Variants in ZSWIM6 observed in about 807,000 individuals in gnomAD.
ZSWIM6 encodes zinc finger SWIM-type containing 6, also known as zinc finger SWIM domain-containing protein 6.
A neutral mutation model predicts 113.2 loss-of-function variants in ZSWIM6; 9 were observed. That is an observed-to-expected ratio of 0.08 (90% CI 0.05 to 0.14). The LOEUF is 0.14. Among genes scored for constraint, ZSWIM6 ranks in the 10% least tolerant of loss-of-function variants. The pLI is 1.00. For synonymous variants in ZSWIM6, 611 were observed against 606.5 expected, an observed-to-expected ratio of 1.01 and a Z score of -0.11; for missense variants, 1,162 against 1,552.2, an observed-to-expected ratio of 0.75 and a Z score of 4.22.
In ZSWIM6 at chr5:61,512,362, C is replaced by T. The variant is rs1019289137; in HGVS notation, c.1334-8901C>T. Reference sequence around the variant, plus strand: ...GTACCATAGTTTGTTTATCCATTCACCAGTTGAAGGACATCTAGATTGGTT... The same window carrying T: ...GTACCATAGTTTGTTTATCCATTCATCAGTTGAAGGACATCTAGATTGGTT... On this transcript the variant is annotated intron_variant, in intron 4 of 13. Coordinates refer to ENST00000252744, the MANE Select transcript of ZSWIM6 (RefSeq NM_020928.2). Among the ~76,000 whole-genome samples the T allele has an allele frequency of 2.6e-5, 4 of 152,052 alleles. 1 individual carries two copies. Among genetic ancestry groups the T allele is most frequent in the African/African-American group, 9.7e-5 (4 of 41,414 alleles).
chr5:61,490,713 G>T, intron 2 of ZSWIM6, 73 bp from the exon 3 acceptor site: 2 of 1,421,780 alleles, frequency 1.4e-6, no homozygotes. Context: ...TAGGCAAAAA[G>T]AGTCTTAATT....
chr5:61,535,676 G>C, intron 10 of ZSWIM6, 57 bp downstream of exon 10: 1 of 1,540,584 alleles, frequency 6.5e-7, no homozygotes, highest in Non-Finnish European at 8.8e-7. Context: ...TGGGAAGCAT[G>C]GCTGTTAACT....
chr5:61,440,049 A>G (rs187300544), intron 1 of ZSWIM6, among the ~76,000 whole-genome samples: 1 of 152,008 alleles, frequency 6.6e-6, no homozygotes, highest in Non-Finnish European at 1.5e-5. Flanking sequence ...ATCAGGAAGT[A>G]TGGGAATATG....
chr5:61,535,534 A>T lies in ZSWIM6; in HGVS notation c.2296A>T (p.Met766Leu). 6.4e-7 allele frequency: 1 copy of T among 1,551,380 alleles called. No homozygotes were observed. Among genetic ancestry groups the T allele is most frequent in the Non-Finnish European group, 8.7e-7 (1 of 1,146,766 alleles). Residue 766 changes from methionine to leucine, a missense_variant, in exon 10 of 14, where the codon ATG becomes TTG. Met to Leu is a conservative substitution (Grantham distance 15). This residue lies in a region of ZSWIM6 where 620 missense variants were observed against 804.6 expected (regional missense o/e 0.77). Coordinates refer to ENST00000252744, the MANE Select transcript of ZSWIM6 (RefSeq NM_020928.2). ...GEIIHRESVP[M>L]HTFAKYLFTS... ...AATAATCCATCGGGAGAGCGTTCCA[A>T]TGCACACATTTGCCAAGTATCTCTT...
At chr5:61,342,972 A>G (rs1039786937) in intron 1 of ZSWIM6, among the ~76,000 whole-genome samples, 1 of 152,204 alleles carries the variant, frequency 6.6e-6, no homozygotes, top group Non-Finnish European at 1.5e-5. Context: ...ATCATCTTCC[A>G]TGAGATGTTA....
intron 4 of ZSWIM6, among the ~76,000 whole-genome samples, chr5:61,494,813 T>C (rs549830675): frequency 6.6e-6 from 1 of 152,328 alleles, no homozygotes; most frequent in Admixed American, 6.5e-5. Context: ...TTAAAATTAG[T>C]TGGATATTCA....
chr5:61,446,519 C>T (rs2112152864), intron 1 of ZSWIM6, among the ~76,000 whole-genome samples: 1 of 152,248 alleles, frequency 6.6e-6, no homozygotes, highest in Admixed American at 6.5e-5. Context: ...AACAAAATCA[C>T]ACAAAGATCA....
rs901140336 is a variant in ZSWIM6, at chr5:61,487,080, G to A, written c.1034-3706G>A. On this transcript the variant is annotated intron_variant, in intron 2 of 13. Coordinates refer to ENST00000252744, the MANE Select transcript of ZSWIM6 (RefSeq NM_020928.2). Reference sequence around the variant, plus strand: ...CAGGTCTTACATTTTATGATGAGACGTAGGAGTCCAGTTTTGGTCTTCTGC... The same window carrying A: ...CAGGTCTTACATTTTATGATGAGACATAGGAGTCCAGTTTTGGTCTTCTGC... Among the ~76,000 whole-genome samples the A allele has an allele frequency of 8.6e-5, 13 of 151,524 alleles. No individual in the cohort carries two copies. The East Asian group carries it at 2.5e-3, about 29-fold the overall frequency.
At chr5:61,342,591 G>A (rs924611487) in intron 1 of ZSWIM6, among the ~76,000 whole-genome samples, 4 of 152,292 alleles carry the variant, frequency 2.6e-5, no homozygotes, top group African/African-American at 9.6e-5. Flanking sequence ...TATTCCAGAA[G>A]GTTTAGCTTT....
At chr5:61,392,511 C>T (rs890473268) in intron 1 of ZSWIM6, among the ~76,000 whole-genome samples, 1 of 152,144 alleles carries the variant, frequency 6.6e-6, no homozygotes, top group Non-Finnish European at 1.5e-5. Context: ...ATAATATGCA[C>T]GCATGTGTGC....
chr5:61,402,702 G>C (rs1196638027), intron 1 of ZSWIM6, among the ~76,000 whole-genome samples: 1 of 152,172 alleles, frequency 6.6e-6, no homozygotes, highest in Non-Finnish European at 1.5e-5. Flanking sequence ...GCACCTTAAA[G>C]GTTAAGTATC....
intron 2 of ZSWIM6, among the ~76,000 whole-genome samples, chr5:61,473,311 A>G (rs189441595): frequency 2.0e-5 from 3 of 152,326 alleles, no homozygotes; most frequent in Admixed American, 1.3e-4. Context: ...AGTACTAGAT[A>G]TTAGTTATGC....
chr5:61,384,271 A>G (rs1745549585), intron 1 of ZSWIM6, among the ~76,000 whole-genome samples: 1 of 147,464 alleles, frequency 6.8e-6, no homozygotes, highest in Non-Finnish European at 1.5e-5. Context: ...AAAAAAAAAA[A>G]TTTCTACTGA....
chr5:61,356,975 A>G (rs1744928803), intron 1 of ZSWIM6, among the ~76,000 whole-genome samples: 2 of 151,626 alleles, frequency 1.3e-5, no homozygotes, highest in Admixed American at 6.6e-5. Flanking sequence ...AAGATGGTCA[A>G]TTCTTTGTTT....
intron 1 of ZSWIM6, among the ~76,000 whole-genome samples, chr5:61,440,407 G>C (rs1031688016): frequency 6.7e-6 from 1 of 150,006 alleles, no homozygotes; most frequent in Admixed American, 6.7e-5. Context: ...TAAGGGTGAA[G>C]TGCTAACTCT....
chr5:61,543,373 C>T lies in ZSWIM6; in HGVS notation c.2786-82C>T. 6.9e-7 allele frequency: 1 copy of T among 1,447,892 alleles called. No homozygotes were observed. Among genetic ancestry groups the T allele is most frequent in the African/African-American group, 1.4e-5 (1 of 70,442 alleles). The allele number at this position is 1,447,892 out of a possible 1,614,324, so 89.7% of individuals were successfully genotyped here. ...GTCCTATGATGGTTAACAATGTAAA[C>T]ACTGGTTGTAAAAGTCAAAATAAGG... On this transcript the variant is annotated intron_variant, in intron 13 of 13. Coordinates refer to ENST00000252744, the MANE Select transcript of ZSWIM6 (RefSeq NM_020928.2). The surrounding 1 kb of genome is among the most constrained non-coding windows in gnomAD (Gnocchi z 4.3).
intron 1 of ZSWIM6, among the ~76,000 whole-genome samples, chr5:61,383,760 T>C (rs539925286): frequency 1.3e-5 from 2 of 151,810 alleles, no homozygotes; most frequent in Admixed American, 1.3e-4. Context: ...TTGGTCAGGC[T>C]GGTCTCGAAC....
intron 1 of ZSWIM6, among the ~76,000 whole-genome samples, chr5:61,407,765 T>C (rs1222489468): frequency 6.6e-6 from 1 of 152,142 alleles, no homozygotes; most frequent in Non-Finnish European, 1.5e-5. Context: ...AAAATGTAAA[T>C]TAAGACTACA....
intron 1 of ZSWIM6, among the ~76,000 whole-genome samples, chr5:61,337,631 A>G (rs1188785626): frequency 6.6e-6 from 1 of 152,260 alleles, no homozygotes; most frequent in Non-Finnish European, 1.5e-5. Context: ...AATTAGATTT[A>G]TATGTACTGA....
Sources: gnomAD v4.1 joint callset for allele counts (sites outside exome capture counted in the v4.1 genomes callset) on GRCh38, gnomAD v4.1.1 for gene constraint, gnomAD v4.1.1 regional missense constraint, Gnocchi (gnomAD v3.1) non-coding constraint, MANE v1.5 for transcripts, NCBI Gene and HGNC (gene_info 2026-07-23, HGNC 2026-07-21) for gene names.